GPD1: variants seen among roughly 807,000 people sequenced by gnomAD.
GPD1 encodes glycerol-3-phosphate dehydrogenase 1.
In GPD1, 19 loss-of-function variants were observed where a neutral mutation model predicts 34.4. The observed-to-expected ratio is 0.55, with a 90% confidence interval of 0.39 to 0.81. The LOEUF is 0.81. Among genes scored for constraint, GPD1 ranks in the 30% least tolerant of loss-of-function variants. GPD1 has a pLI of 0.00. For missense variants in GPD1, 429 were observed against 447.0 expected, an observed-to-expected ratio of 0.96 and a Z score of 0.36; for synonymous variants, 172 against 174.1, an observed-to-expected ratio of 0.99 and a Z score of 0.09.
Position 50,104,590 on chromosome 12 carries a change from A to G in GPD1, c.58A>G (p.Lys20Glu). ...GSGNWGSAIA[K>E]IVGGNAAQLA... ...TCCCACCAGGGGCTCAGCCATCGCC[A>G]AGATCGTGGGTGGCAATGCAGCCCA... Residue 20 changes from lysine (K) to glutamate (E), a missense_variant, in exon 2 of 8, where the codon AAG becomes GAG. Transcript: ENST00000301149. 6.2e-7 allele frequency: 1 copy of G among 1,613,734 alleles called. No homozygotes were observed. The highest frequency in any genetic ancestry group is 1.1e-5 in the South Asian group (1 of 91,074).
intron 6 of GPD1, 58 bp from the exon 7 acceptor site, chr12:50,107,966 C>T (rs946260148): frequency 8.6e-6 from 10 of 1,163,792 alleles, no homozygotes; most frequent in Admixed American, 1.9e-5. Flanking sequence ...AGTCTCTCCA[C>T]CCCCTACTGA....
chr12:50,105,372 G>C (rs1310942392), intron 2 of GPD1, 176 bp from the exon 3 acceptor site: 89 of 628,544 alleles, frequency 1.4e-4, no homozygotes, highest in African/African-American at 5.5e-5. Context: ...GTGGTAGCTG[G>C]GGGGAGGGAG....
Position 50,107,559 on chromosome 12 carries a change from C to T in GPD1, c.613-8C>T. The T allele has an allele frequency of 1.9e-6, 3 of 1,605,746 alleles. No individual in the cohort carries two copies. The highest frequency in any genetic ancestry group is 2.6e-6 in the Non-Finnish European group (3 of 1,172,404). On this transcript the variant is annotated splice_polypyrimidine_tract_variant and splice_region_variant and intron_variant, in intron 5 of 7. Coordinates refer to ENST00000301149, the MANE Select transcript of GPD1 (RefSeq NM_005276.4). ...TCTTTTCTCACCTATGACCTCCACTCCTTCAAGAATGTAGTGGCCGTGGGG... is the reference window on the plus strand; with the variant it reads ...TCTTTTCTCACCTATGACCTCCACTTCTTCAAGAATGTAGTGGCCGTGGGG...
chr12:50,106,899 G>C lies in GPD1; in HGVS notation c.594G>C (p.Glu198Asp). The C allele has an allele frequency of 6.2e-7, 1 of 1,606,730 alleles. No individual in the cohort carries two copies. Among genetic ancestry groups the C allele is most frequent in the Admixed American group, 1.7e-5 (1 of 60,014 alleles). ...ITVVQEVDTV[E>D]ICGALKNVVA... ...TGGTGCAAGAGGTGGACACAGTAGA[G>C]ATCTGTGGAGCCTTAAAGGTGAGAG... The change falls in exon 5 of 8, where the codon GAG becomes GAC. Residue 198 changes from glutamate to aspartate, a missense_variant. Glu to Asp is a conservative substitution (Grantham distance 45). Transcript: ENST00000301149.
intron 4 of GPD1, 87 bp from the exon 5 acceptor site, chr12:50,106,718 G>A: frequency 1.3e-6 from 1 of 797,382 alleles, no homozygotes; most frequent in Non-Finnish European, 2.0e-6. Flanking sequence ...TCCAGCCTGG[G>A]CAACAGAGAG....
chr12:50,109,775 T>G lies in GPD1; in HGVS notation c.*256T>G. 2.1e-6 allele frequency: 1 copy of G among 466,586 alleles called. No homozygotes were observed. The allele number at this position is 466,586 out of a possible 1,614,324, so 28.9% of individuals were successfully genotyped here. A position where few individuals can be genotyped will look rare whatever the true frequency, so the allele number is the denominator to read the frequency against. On this transcript the variant is annotated 3_prime_UTR_variant, in exon 8 of 8. Coordinates refer to ENST00000301149, the MANE Select transcript of GPD1 (RefSeq NM_005276.4). ...CTCTCCAGATGTGGGGCTTTCTCCA[T>G]ATCCTCTGGGAGGGGTGGAATCAAG...
intron 5 of GPD1, chr12:50,107,188 T>C: frequency 1.5e-6 from 1 of 663,552 alleles, no homozygotes; most frequent in South Asian, 1.5e-5. Context: ...CAGGAGGTGG[T>C]CCAGGGGGAC....
At position 50,106,921 on chromosome 12, in the gene GPD1, A is replaced by G; in HGVS notation, c.612+4A>G. 6.5e-7 allele frequency: 1 copy of G among 1,527,652 alleles called. No homozygotes were observed. The highest frequency in any genetic ancestry group is 9.1e-7 in the Non-Finnish European group (1 of 1,101,164). 94.6% of individuals were successfully genotyped at this position (1,527,652 alleles called of 1,614,324 possible). A position where few individuals can be genotyped will look rare whatever the true frequency, so the allele number is the denominator to read the frequency against. ...AGAGATCTGTGGAGCCTTAAAGGTG[A>G]GAGGGGCACAGAGGCAGCTATGGGG... On this transcript the variant is annotated splice_donor_region_variant and intron_variant, in intron 5 of 7. Coordinates refer to ENST00000301149, the MANE Select transcript of GPD1 (RefSeq NM_005276.4).
intron 5 of GPD1, chr12:50,107,319 T>C (rs542475718): frequency 4.5e-5 from 30 of 672,846 alleles, no homozygotes; most frequent in Non-Finnish European, 7.4e-5. Flanking sequence ...TGGTCATAGA[T>C]GGGAAGATCA....
At chr12:50,107,169 C>A in intron 5 of GPD1, 1 of 670,374 alleles carries the variant, frequency 1.5e-6, no homozygotes, top group Non-Finnish European at 2.7e-6. Flanking sequence ...ACTCCCCACC[C>A]TCTGGCTCCA....
chr12:50,106,498 C>T, intron 4 of GPD1, 72 bp downstream of exon 4: 4 of 1,339,542 alleles, frequency 3.0e-6, no homozygotes, highest in Non-Finnish European at 4.2e-6. Context: ...CCCAACCCCA[C>T]TTAGCCATCT....
At chr12:50,104,261 C>G in intron 1 of GPD1, 170 bp downstream of exon 1, 1 of 727,590 alleles carries the variant, frequency 1.4e-6, no homozygotes, top group Non-Finnish European at 2.4e-6. Flanking sequence ...TGACCCCCGC[C>G]CTCCTGGGCA....
rs777396835 is a variant in GPD1, at chr12:50,104,748, T to C, written c.216T>C (p.Asn72=). ...KYLPGHKLPP[N]VVAVPDVVQA... Reference sequence around the variant, plus strand: ...TGCCAGGGCACAAGTTGCCCCCAAATGTGGTGAGCCCCAACACCCTGCGAA... The same window carrying C: ...TGCCAGGGCACAAGTTGCCCCCAAACGTGGTGAGCCCCAACACCCTGCGAA... The change falls in exon 2 of 8, where the codon AAT becomes AAC. Residue 72 remains asparagine (N), a synonymous_variant. Coordinates refer to ENST00000301149, the MANE Select transcript of GPD1 (RefSeq NM_005276.4). 1 of 1,613,352 alleles carries C rather than the reference T, an allele frequency of 6.2e-7. No homozygotes were observed. Among genetic ancestry groups the C allele is most frequent in the Non-Finnish European group, 8.5e-7 (1 of 1,179,432 alleles).
At chr12:50,107,338 GAA>G in intron 5 of GPD1, 1 of 687,914 alleles carries the variant, frequency 1.5e-6, no homozygotes, top group South Asian at 1.5e-5. Flanking sequence ...CAACTAGAGA[GAA>G]GAGTGGTTTT....
In GPD1 at chr12:50,108,136, T is replaced by A; in HGVS notation, c.953+6T>A. 6.6e-7 allele frequency: 1 copy of A among 1,517,240 alleles called. No homozygotes were observed. Among genetic ancestry groups the A allele is most frequent in the Non-Finnish European group, 9.1e-7 (1 of 1,094,274 alleles). 94.0% of individuals were successfully genotyped at this position (1,517,240 alleles called of 1,614,324 possible). A position where few individuals can be genotyped will look rare whatever the true frequency, so the allele number is the denominator to read the frequency against. On this transcript the variant is annotated splice_donor_region_variant and intron_variant, in intron 7 of 7. Coordinates refer to ENST00000301149, the MANE Select transcript of GPD1 (RefSeq NM_005276.4). The stretch of plus-strand genomic sequence containing the variant: ...CACAAGGGCCTGGTAGACAAGTAAG[T>A]ATTGGCCACAGCCCCACTGATTAAG...
intron 6 of GPD1, 25 bp from the exon 7 acceptor site, chr12:50,107,999 T>C (rs375707853): frequency 1.4e-6 from 2 of 1,464,462 alleles, no homozygotes; most frequent in Non-Finnish European, 9.5e-7. Context: ...CCCATTTCCA[T>C]CCACTCATCC....
At chr12:50,105,515 G>C in intron 2 of GPD1, 33 bp from the exon 3 acceptor site, 1 of 1,598,784 alleles carries the variant, frequency 6.3e-7, no homozygotes, top group Non-Finnish European at 8.5e-7. Context: ...GGGGAGGTCT[G>C]CCAGGCCCGC....
At chr12:50,106,692 A>G in intron 4 of GPD1, 113 bp from the exon 5 acceptor site, 1 of 700,828 alleles carries the variant, frequency 1.4e-6, no homozygotes, top group South Asian at 1.9e-5. Context: ...GGATCGCTTA[A>G]GCCCAGGAGT....
intron 3 of GPD1, 156 bp downstream of exon 3, chr12:50,105,844 A>C (rs921448222): frequency 8.9e-6 from 7 of 784,720 alleles, no homozygotes; most frequent in African/African-American, 1.7e-5. Context: ...TTAGGAAAGC[A>C]GTGAGGTGCT....
Sources: gnomAD v4.1 joint callset for allele counts on GRCh38, gnomAD v4.1.1 for gene constraint, MANE v1.5 for transcripts, NCBI Gene and HGNC (gene_info 2026-07-23, HGNC 2026-07-21) for gene names.